FLI1: variants seen among roughly 807,000 people sequenced by gnomAD.
The protein encoded by FLI1 is Friend leukemia integration 1 transcription factor.
Under a neutral mutation model 53.1 loss-of-function variants are expected in FLI1, and 13 were observed. The ratio of observed to expected loss-of-function variants is 0.24; its 90% CI spans 0.16 to 0.39. The LOEUF (loss-of-function observed/expected upper bound fraction) is 0.39, where lower values mean the gene tolerates loss of function less well. Ranked by LOEUF, FLI1 falls within the 10% of genes least tolerant of loss-of-function variation. FLI1 has a pLI of 1.00. For missense variants in FLI1, 424 were observed against 600.5 expected, an observed-to-expected ratio of 0.71 and a Z score of 3.07; for synonymous variants, 244 against 236.7, an observed-to-expected ratio of 1.03 and a Z score of -0.28.
At chr11:128,779,982 T>A (rs961788908) in intron 4 of FLI1, among the ~76,000 whole-genome samples, 1 of 152,214 alleles carries the variant, frequency 6.6e-6, no homozygotes, top group African/African-American at 2.4e-5. Flanking sequence ...TATTTGTGCA[T>A]CTAACTTTTA....
In FLI1 at chr11:128,777,762, C is replaced by T. The variant is rs566336641; in HGVS notation, c.590-4196C>T. ...AAAAGAGAGACCTGGATTCAATAGG[C>T]TGGCTGTGAGGGGGCACTGGTGAAT... On this transcript the variant is annotated intron_variant, in intron 4 of 8. Transcript: ENST00000527786. Among the ~76,000 whole-genome samples, 3 of 152,360 alleles carry T rather than the reference C, an allele frequency of 2.0e-5. No homozygotes were observed. In the East Asian group the frequency reaches 5.8e-4, roughly 29 times the overall value.
chr11:128,728,114 A>G (rs1446027860), intron 1 of FLI1, among the ~76,000 whole-genome samples: 2 of 152,254 alleles, frequency 1.3e-5, no homozygotes, highest in Non-Finnish European at 2.9e-5. Context: ...TTTAAGAGGA[A>G]TCACAGGGTG....
chr11:128,693,534 A>G (rs1029781638), upstream of FLI1: 8 of 185,370 alleles, frequency 4.3e-5, no homozygotes, highest in South Asian at 2.0e-4. Context: ...CCCACCCCCA[A>G]AAAGTTTGTC....
intron 2 of FLI1, chr11:128,764,820 A>G (rs1371908588): frequency 1.3e-6 from 2 of 1,592,558 alleles, no homozygotes; most frequent in Admixed American, 1.7e-5. Context: ...CGAGCGGGCG[A>G]GGTATGGCTT....
intron 5 of FLI1, among the ~76,000 whole-genome samples, chr11:128,787,360 C>T (rs1424339840): frequency 6.6e-6 from 1 of 152,108 alleles, no homozygotes; most frequent in African/African-American, 2.4e-5. Context: ...TAGAAGGCAC[C>T]CAGGTCATGA....
At chr11:128,776,233 G>A (rs1376332041) in intron 4 of FLI1, among the ~76,000 whole-genome samples, 2 of 152,192 alleles carry the variant, frequency 1.3e-5, no homozygotes, top group East Asian at 1.9e-4. Flanking sequence ...ACACCTGGGC[G>A]TGTCAGCTGT....
chr11:128,700,034 T>C (rs1177274050), intron 1 of FLI1, among the ~76,000 whole-genome samples: 1 of 152,244 alleles, frequency 6.6e-6, no homozygotes, highest in African/African-American at 2.4e-5. Context: ...GCCACATATG[T>C]GTGCCCTGCA....
intron 4 of FLI1, among the ~76,000 whole-genome samples, chr11:128,778,876 C>T (rs1941825362): frequency 6.6e-6 from 1 of 152,146 alleles, no homozygotes; most frequent in Admixed American, 6.5e-5. Flanking sequence ...GAACAAGTTC[C>T]TTAAGAAAAC....
At chr11:128,737,088 G>T (rs1210156536) in intron 1 of FLI1, among the ~76,000 whole-genome samples, 2 of 152,204 alleles carry the variant, frequency 1.3e-5, no homozygotes, top group Non-Finnish European at 1.5e-5. Flanking sequence ...TTCTGCAGTA[G>T]ATCTAACTCA....
Position 128,703,791 on chromosome 11 carries a change from C to T in FLI1, c.18+9515C>T, listed in dbSNP as rs188739498. ...CCAGGAGGCAGAAGTTGTGGTGAGC[C>T]GAGGTTGCAACACTACACTCCAGCC... On this transcript the variant is annotated intron_variant, in intron 1 of 8. Coordinates refer to ENST00000527786, the MANE Select transcript of FLI1 (RefSeq NM_002017.5). Among the ~76,000 whole-genome samples, 25 of 131,544 alleles carry T rather than the reference C, an allele frequency of 1.9e-4. No homozygotes were observed. In the East Asian group the frequency reaches 5.2e-3, roughly 28 times the overall value. 86.3% of individuals were successfully genotyped at this position (131,544 alleles called of 152,430 possible).
upstream of FLI1, among the ~76,000 whole-genome samples, chr11:128,685,577 G>A (rs1262851007): frequency 1.3e-5 from 2 of 151,876 alleles, no homozygotes; most frequent in Non-Finnish European, 2.9e-5. Flanking sequence ...GTAGGGGACC[G>A]GTGGGGTCGC....
intron 1 of FLI1, among the ~76,000 whole-genome samples, chr11:128,741,307 C>T (rs906137829): frequency 3.9e-5 from 6 of 152,182 alleles, no homozygotes; most frequent in Admixed American, 6.5e-5. Context: ...GCAGGAGAAT[C>T]GCTTGAACCC....
intron 1 of FLI1, among the ~76,000 whole-genome samples, chr11:128,724,202 C>T (rs1024978395): frequency 1.3e-5 from 2 of 152,110 alleles, no homozygotes; most frequent in African/African-American, 4.8e-5. Context: ...GCCTTGGCCT[C>T]CCAAAGTGCT....
chr11:128,731,989 C>T (rs936584615), intron 1 of FLI1, among the ~76,000 whole-genome samples: 18 of 140,980 alleles, frequency 1.3e-4, no homozygotes, highest in Admixed American at 1.2e-3. Flanking sequence ...GTGGACAGAG[C>T]GAGACTCCAT....
intron 5 of FLI1, among the ~76,000 whole-genome samples, chr11:128,785,925 C>T (rs75701166): frequency 0.038 from 5,823 of 152,224 alleles, 133 homozygotes; most frequent in South Asian, 0.088. Context: ...TGGTGGTAAT[C>T]GTTGCATAGC....
intron 2 of FLI1, among the ~76,000 whole-genome samples, chr11:128,767,670 G>A (rs1941395332): frequency 6.6e-6 from 1 of 152,226 alleles, no homozygotes; most frequent in Non-Finnish European, 1.5e-5. Flanking sequence ...CAAGAACTCA[G>A]CAGTCAGGGG....
At chr11:128,718,040 G>A (rs1317488639) in intron 1 of FLI1, among the ~76,000 whole-genome samples, 4 of 152,350 alleles carry the variant, frequency 2.6e-5, no homozygotes, top group Non-Finnish European at 5.9e-5. Flanking sequence ...TGGCAGAGAA[G>A]CCTCATAGAT....
chr11:128,693,981 A>C, upstream of FLI1: 1 of 317,756 alleles, frequency 3.1e-6, no homozygotes, highest in Non-Finnish European at 5.8e-6. Context: ...AGAGAGAGAG[A>C]GAGAGAGAGA....
intron 1 of FLI1, among the ~76,000 whole-genome samples, chr11:128,719,124 T>C (rs1358887355): frequency 6.6e-6 from 1 of 152,088 alleles, no homozygotes; most frequent in Non-Finnish European, 1.5e-5. Context: ...ACACCCACAG[T>C]GGCCTGCCTG....
Sources: allele counts gnomAD v4.1 joint callset (sites outside exome capture counted in the v4.1 genomes callset), GRCh38; gene constraint gnomAD v4.1.1; transcripts MANE v1.5; gene names NCBI Gene and HGNC (gene_info 2026-07-23, HGNC 2026-07-21).